WDFY1: variants seen among roughly 807,000 people sequenced by gnomAD.
WDFY1 encodes WD repeat and FYVE domain-containing protein 1.
Under a neutral mutation model 56.4 loss-of-function variants are expected in WDFY1, and 32 were observed. The ratio of observed to expected loss-of-function variants is 0.57; its 90% confidence interval spans 0.43 to 0.76. The LOEUF is 0.76. WDFY1 is among the 30% of genes least tolerant of loss of function. WDFY1 has a pLI of 0.00. For missense variants in WDFY1, 480 were observed against 545.7 expected (o/e 0.88, Z 1.20); for synonymous variants, 192 against 197.3 (o/e 0.97, Z 0.23).
chr2:223,935,115 T>C (rs906715698), intron 1 of WDFY1, among the ~76,000 whole-genome samples: 2 of 152,156 alleles, frequency 1.3e-5, no homozygotes, highest in African/African-American at 4.8e-5. Flanking sequence ...GTATTTTCTA[T>C]AAACCATAAC....
intron 8 of WDFY1, among the ~76,000 whole-genome samples, chr2:223,885,945 T>C (rs1693168468): frequency 6.6e-6 from 1 of 152,210 alleles, no homozygotes; most frequent in Non-Finnish European, 1.5e-5. Context: ...TGAGTTACTT[T>C]TTGGTATTAT....
intron 1 of WDFY1, among the ~76,000 whole-genome samples, chr2:223,936,768 T>C (rs1694174451): frequency 6.6e-6 from 1 of 152,194 alleles, no homozygotes; most frequent in Admixed American, 6.5e-5. Context: ...CTACCTTCCT[T>C]CTGAGAGTTT....
rs912174848 is a variant in WDFY1, at chr2:223,878,528, C to T, written c.*143G>A. 1.5e-5 allele frequency: 10 copies of T among 660,804 alleles called. No individual in the cohort carries two copies. The South Asian group carries it at 1.7e-4, about 12-fold the overall frequency. 40.9% of individuals were successfully genotyped at this position (660,804 alleles called of 1,614,324 possible). A position where few individuals can be genotyped will look rare whatever the true frequency, so the allele number is the denominator to read the frequency against. On this transcript the variant is annotated 3_prime_UTR_variant, in exon 12 of 12. Transcript: ENST00000233055. ...AGTTCCACAAATGCCCCAAAACACACCTTTACATTTTCTTTTTAAAAATGT... is the reference window on the plus strand; with the variant it reads ...AGTTCCACAAATGCCCCAAAACACATCTTTACATTTTCTTTTTAAAAATGT...
At position 223,945,308 on chromosome 2, in the gene WDFY1, C is replaced by G. The variant is rs1241225385; in HGVS notation, c.-24G>C. ...ATGTTCGCGCGGCGACTGCTGCGGCCTCCTCGGCAGGCAGCCCATCAGCTG... is the reference window on the plus strand; with the variant it reads ...ATGTTCGCGCGGCGACTGCTGCGGCGTCCTCGGCAGGCAGCCCATCAGCTG... On this transcript the variant is annotated 5_prime_UTR_variant, in exon 1 of 12. Transcript: ENST00000233055. The G allele has an allele frequency of 2.6e-6, 4 of 1,554,962 alleles. No individual in the cohort carries two copies. The highest frequency in any genetic ancestry group is 3.5e-6 in the Non-Finnish European group (4 of 1,159,022).
At chr2:223,886,485 G>C (rs1031774745) in intron 8 of WDFY1, among the ~76,000 whole-genome samples, 2 of 152,172 alleles carry the variant, frequency 1.3e-5, no homozygotes, top group African/African-American at 4.8e-5. Context: ...AGCACTTTGG[G>C]AGGCCAAGGC....
intron 2 of WDFY1, among the ~76,000 whole-genome samples, chr2:223,913,267 A>G (rs994463669): frequency 5.3e-5 from 8 of 151,924 alleles, no homozygotes; most frequent in Non-Finnish European, 1.2e-4. Context: ...TGAAGTCACC[A>G]TTTGAATATA....
chr2:223,898,666 A>G (rs1176691965), intron 6 of WDFY1, among the ~76,000 whole-genome samples: 1 of 152,176 alleles, frequency 6.6e-6, no homozygotes. Context: ...TCGGCCCCCA[A>G]AGTGCTGGGA....
intron 10 of WDFY1, among the ~76,000 whole-genome samples, chr2:223,881,341 T>C (rs1346218846): frequency 2.0e-5 from 3 of 152,272 alleles, no homozygotes; most frequent in Admixed American, 2.0e-4. Context: ...TAGCAGCCAG[T>C]GGGATGCAGA....
At chr2:223,936,032 G>C (rs1263522561) in intron 1 of WDFY1, among the ~76,000 whole-genome samples, 1 of 151,138 alleles carries the variant, frequency 6.6e-6, no homozygotes, top group Non-Finnish European at 1.5e-5. Flanking sequence ...AGCTTAGCAG[G>C]GAGCAGTTAT....
chr2:223,945,104 G>A (rs910178079), intron 1 of WDFY1, 44 bp downstream of exon 1: 21 of 1,544,554 alleles, frequency 1.4e-5, no homozygotes, highest in African/African-American at 2.8e-5. Context: ...CCCACACCCC[G>A]TCGTCGCGGA....
chr2:223,938,602 A>G (rs966699185), intron 1 of WDFY1, among the ~76,000 whole-genome samples: 4 of 152,222 alleles, frequency 2.6e-5, no homozygotes, highest in Non-Finnish European at 4.4e-5. Context: ...ACCATTCACG[A>G]GACATTAATC....
chr2:223,895,722 C>T, intron 6 of WDFY1, 92 bp from the exon 7 acceptor site: 1 of 1,529,434 alleles, frequency 6.5e-7, no homozygotes, highest in Non-Finnish European at 8.8e-7. Context: ...CAGCTGAAGA[C>T]CAAACTAGGA....
intron 6 of WDFY1, among the ~76,000 whole-genome samples, chr2:223,896,551 CT>C (rs1221127368): frequency 1.1e-4 from 17 of 152,282 alleles, no homozygotes; most frequent in African/African-American, 4.1e-4. Context: ...TTGGGGAAAT[CT>C]TTCTTTCTAC....
intron 9 of WDFY1, among the ~76,000 whole-genome samples, chr2:223,882,353 T>G (rs1192158030): frequency 1.3e-5 from 2 of 152,200 alleles, no homozygotes; most frequent in Non-Finnish European, 2.9e-5. Context: ...GACCTCATGA[T>G]CCACCTGCCT....
At chr2:223,903,522 CA>C (rs200249965) in intron 4 of WDFY1, among the ~76,000 whole-genome samples, 10 of 23,504 alleles carry the variant, frequency 4.3e-4, no homozygotes, top group Non-Finnish European at 1.1e-3. Flanking sequence ...GGCTCTTTCT[CA>C]AAAAACAAAA....
At chr2:223,920,833 G>A (rs779940144) in intron 1 of WDFY1, among the ~76,000 whole-genome samples, 21 of 152,300 alleles carry the variant, frequency 1.4e-4, no homozygotes, top group Admixed American at 3.3e-4. Flanking sequence ...TGGCTGAACC[G>A]TACGGAAGAC....
In WDFY1 at chr2:223,942,527, C is replaced by CTTTTTTTTT. The variant is rs57223015; in HGVS notation, c.137+2612_137+2620dup. Among the ~76,000 whole-genome samples the CTTTTTTTTT allele has an allele frequency of 2.3e-4, 17 of 74,218 alleles. 2 individuals are homozygous for CTTTTTTTTT. Among genetic ancestry groups the CTTTTTTTTT allele is most frequent in the African/African-American group, 7.4e-4 (12 of 16,158 alleles). The allele number at this position is 74,218 out of a possible 152,430, so 48.7% of individuals were successfully genotyped here. A position where few individuals can be genotyped will look rare whatever the true frequency, so the allele number is the denominator to read the frequency against. On this transcript the variant is annotated intron_variant, in intron 1 of 11. Coordinates refer to ENST00000233055, the MANE Select transcript of WDFY1 (RefSeq NM_020830.5). The stretch of plus-strand genomic sequence containing the variant: ...GCCACTGCGCCTGGCCAAAGGCTAA[C>CTTTTTTTTT]TTTTTTTTTTTTTTTTTTTGAGACG...
At chr2:223,891,652 A>T (rs1405336955) in intron 8 of WDFY1, among the ~76,000 whole-genome samples, 1 of 152,168 alleles carries the variant, frequency 6.6e-6, no homozygotes, top group Non-Finnish European at 1.5e-5. Flanking sequence ...CTTTGACGGT[A>T]GGAATCCCAC....
At position 223,894,336 on chromosome 2, in the gene WDFY1, G is replaced by A. The variant is rs769706365; in HGVS notation, c.729C>T (p.Asp243=). The part of the protein sequence containing the change: ...GRTLLLQGHH[D]KVQSLCYLQL... Reference sequence around the variant, plus strand: ...GAAGGTAGCACAGCGACTGCACCTTGTCACTGCAAACAGCACACACAACAG... The same window carrying A: ...GAAGGTAGCACAGCGACTGCACCTTATCACTGCAAACAGCACACACAACAG... Residue 243 remains aspartate (D), a synonymous_variant, in exon 8 of 12, where the codon GAC becomes GAT. Transcript: ENST00000233055. 2 of 1,614,134 alleles carry A rather than the reference G, an allele frequency of 1.2e-6. No individual in the cohort carries two copies. Among genetic ancestry groups the A allele is most frequent in the South Asian group, 1.1e-5 (1 of 91,088 alleles).
Sources: allele counts gnomAD v4.1 joint callset (sites outside exome capture counted in the v4.1 genomes callset), GRCh38; gene constraint gnomAD v4.1.1; transcripts MANE v1.5; gene names NCBI Gene and HGNC (gene_info 2026-07-23, HGNC 2026-07-21).